The following PSD3 variants were observed in gnomAD, a reference collection of about 807,000 sequenced individuals.
PSD3 encodes pleckstrin and Sec7 domain containing 3, also known as PH and SEC7 domain-containing protein 3.
PSD3 carries 49 observed loss-of-function variants against 105.5 expected under a neutral mutation model. The ratio of observed to expected loss-of-function variants is 0.46; its 90% CI spans 0.37 to 0.59. The LOEUF is 0.59. PSD3 is among the 20% of genes least tolerant of loss of function. PSD3 has a pLI of 0.00. For missense variants in PSD3, 1,561 were observed against 1,263.8 expected, an observed-to-expected ratio of 1.24 and a Z score of -3.57; for synonymous variants, 557 against 457.8, an observed-to-expected ratio of 1.22 and a Z score of -2.77.
At chr8:19,001,265 T>C (rs1365950592) in intron 1 of PSD3, among the ~76,000 whole-genome samples, 1 of 151,644 alleles carries the variant, frequency 6.6e-6, no homozygotes, top group Non-Finnish European at 1.5e-5. Context: ...TGGCTAAATT[T>C]TTTCTTTTTT....
intron 2 of PSD3, among the ~76,000 whole-genome samples, chr8:18,895,826 G>A (rs934851985): frequency 1.1e-4 from 16 of 152,034 alleles, no homozygotes; most frequent in Admixed American, 3.9e-4. Context: ...CCACTCTTTC[G>A]GCTATTTGAA....
chr8:18,620,682 C>A (rs955243972), intron 11 of PSD3, among the ~76,000 whole-genome samples: 4 of 152,070 alleles, frequency 2.6e-5, no homozygotes, highest in African/African-American at 4.8e-5. Context: ...TGCACTATGG[C>A]CTGGGTGAGT....
At chr8:18,557,191 G>A (rs1801133717) in intron 14 of PSD3, among the ~76,000 whole-genome samples, 1 of 152,146 alleles carries the variant, frequency 6.6e-6, no homozygotes, top group Non-Finnish European at 1.5e-5. Context: ...ACTCCTTACT[G>A]TTCTAGTTTC....
intron 2 of PSD3, among the ~76,000 whole-genome samples, chr8:18,903,632 G>A (rs1384633871): frequency 6.6e-6 from 1 of 152,134 alleles, no homozygotes; most frequent in Non-Finnish European, 1.5e-5. Flanking sequence ...GTTCAGCCCA[G>A]GGATGTGTAG....
intron 1 of PSD3, among the ~76,000 whole-genome samples, chr8:19,041,143 T>C (rs59684179): frequency 0.065 from 9,829 of 152,228 alleles, 1,052 homozygotes; most frequent in African/African-American, 0.22. Flanking sequence ...GCAATCCTCC[T>C]GCCTCAGCCT....
At chr8:18,949,490 A>G (rs1823106365) in intron 1 of PSD3, among the ~76,000 whole-genome samples, 1 of 151,834 alleles carries the variant, frequency 6.6e-6, no homozygotes, top group Non-Finnish European at 1.5e-5. Context: ...AAATAATATA[A>G]TCATTGCATT....
At chr8:18,726,172 C>G (rs1252663669) in intron 9 of PSD3, among the ~76,000 whole-genome samples, 4 of 152,220 alleles carry the variant, frequency 2.6e-5, no homozygotes, top group Non-Finnish European at 5.9e-5. Flanking sequence ...CACTCCTGTG[C>G]CAAATCTGTT....
chr8:19,081,055 C>G (rs771755247), intron 1 of PSD3, among the ~76,000 whole-genome samples: 12 of 152,264 alleles, frequency 7.9e-5, no homozygotes, highest in Non-Finnish European at 1.6e-4. Flanking sequence ...GAACAGTTCC[C>G]TGGGTTCCCA....
intron 10 of PSD3, among the ~76,000 whole-genome samples, chr8:18,635,957 T>C (rs977267165): frequency 6.6e-6 from 1 of 152,112 alleles, no homozygotes; most frequent in African/African-American, 2.4e-5. Context: ...GCTTAAAACC[T>C]AGATAATGGT....
chr8:18,774,679 G>T (rs1404918120), intron 8 of PSD3: 9 of 360,164 alleles, frequency 2.5e-5, no homozygotes, highest in African/African-American at 1.9e-4. Context: ...CACAGATCTG[G>T]GGGCTAGTAT....
chr8:19,079,990 A>G (rs2129478299), intron 1 of PSD3, among the ~76,000 whole-genome samples: 2 of 151,722 alleles, frequency 1.3e-5, no homozygotes, highest in South Asian at 4.2e-4. Context: ...TCTGGGTTCA[A>G]GCGATTCTCC....
chr8:18,884,317 T>C lies in PSD3; in HGVS notation c.131-11584A>G, dbSNP rs182029132. 1.6e-3 allele frequency among the ~76,000 whole-genome samples: 243 copies of C among 152,306 alleles called. 4 individuals are homozygous for C. In the Middle Eastern group the frequency reaches 0.02, roughly 13 times the overall value. On this transcript the variant is annotated intron_variant, in intron 2 of 15. Transcript: ENST00000327040. The stretch of plus-strand genomic sequence containing the variant: ...ATAAACTTCACCAGCAACACAGTGA[T>C]ACATGACTCAAATTTGCAATGCAAT...
At chr8:18,560,142 G>T (rs1226615198) in intron 14 of PSD3, among the ~76,000 whole-genome samples, 1 of 151,064 alleles carries the variant, frequency 6.6e-6, no homozygotes, top group Non-Finnish European at 1.5e-5. Flanking sequence ...TTATTCCAGT[G>T]CTAGAATCCC....
intron 2 of PSD3, among the ~76,000 whole-genome samples, chr8:18,888,799 T>C (rs1818595978): frequency 6.6e-6 from 1 of 152,060 alleles, no homozygotes; most frequent in African/African-American, 2.4e-5. Context: ...GTAAGCTGGA[T>C]TTGTTGGGCA....
At chr8:18,715,702 C>A (rs1027141536) in intron 9 of PSD3, among the ~76,000 whole-genome samples, 1 of 152,204 alleles carries the variant, frequency 6.6e-6, no homozygotes, top group Non-Finnish European at 1.5e-5. Flanking sequence ...CAGGGCTCTG[C>A]TGCTCTAGAA....
chr8:19,045,188 C>CA (rs1195749506), intron 1 of PSD3, among the ~76,000 whole-genome samples: 1 of 150,370 alleles, frequency 6.7e-6, no homozygotes, highest in Non-Finnish European at 1.5e-5. Flanking sequence ...CCATCAAAAA[C>CA]AAAAAAACAA....
At chr8:18,595,774 T>C (rs1054246895) in intron 12 of PSD3, among the ~76,000 whole-genome samples, 5 of 152,016 alleles carry the variant, frequency 3.3e-5, no homozygotes, top group African/African-American at 4.8e-5. Context: ...AGAGTAAACA[T>C]TGACAGGACT....
At chr8:18,902,225 T>C (rs187095249) in intron 2 of PSD3, among the ~76,000 whole-genome samples, 185 of 152,358 alleles carry the variant, frequency 1.2e-3, no homozygotes, top group African/African-American at 4.2e-3. Context: ...ACAAGTCTTA[T>C]AGGCTTTCTT....
chr8:18,668,957 A>G (rs1439253755), intron 9 of PSD3, among the ~76,000 whole-genome samples: 1 of 152,216 alleles, frequency 6.6e-6, no homozygotes, highest in Non-Finnish European at 1.5e-5. Flanking sequence ...TAATGTTTTC[A>G]CAGGGAAAGA....
Sources: allele counts gnomAD v4.1 joint callset (sites outside exome capture counted in the v4.1 genomes callset), GRCh38; gene constraint gnomAD v4.1.1; transcripts MANE v1.5; gene names NCBI Gene and HGNC (gene_info 2026-07-23, HGNC 2026-07-21).